The following PRKD3 variants were observed in gnomAD, a reference collection of about 807,000 sequenced individuals.
The protein encoded by PRKD3 is serine/threonine-protein kinase D3.
PRKD3 carries 47 observed loss-of-function variants against 99.2 expected under a neutral mutation model. The ratio of observed to expected loss-of-function variants is 0.47; its 90% confidence interval spans 0.38 to 0.60. The LOEUF is 0.60. Ranked by LOEUF, PRKD3 falls within the 20% of genes least tolerant of loss-of-function variation. PRKD3 has a pLI of 0.00. For missense variants in PRKD3, 1,019 were observed against 1,088.4 expected, an observed-to-expected ratio of 0.94 and a Z score of 0.90; for synonymous variants, 392 against 355.4, an observed-to-expected ratio of 1.10 and a Z score of -1.16.
At position 37,286,192 on chromosome 2, in the gene PRKD3, C is replaced by G. The variant is rs762673246; in HGVS notation, c.895G>C (p.Gly299Arg). The G allele has an allele frequency of 6.2e-7, 1 of 1,612,398 alleles. No individual in the cohort carries two copies. The highest frequency in any genetic ancestry group is 8.5e-7 in the Non-Finnish European group (1 of 1,178,854). Residue 299 changes from glycine to arginine, a missense_variant, in exon 6 of 19, where the codon GGA becomes CGA. By Grantham distance (125) the Gly-to-Arg change is moderately radical. This residue lies in a region of PRKD3 where 710 missense variants were observed against 692.7 expected (regional missense o/e 1.02). Transcript: ENST00000234179. ...KRLLKGLFRQ[G>R]MQCKDCKFNC... Reference sequence around the variant, plus strand: ...CTAATCCTACCTTTACACTGCATTCCTTGGCGAAAGAGGCCTTTCAGTAAC... The same window carrying G: ...CTAATCCTACCTTTACACTGCATTCGTTGGCGAAAGAGGCCTTTCAGTAAC...
At chr2:37,256,159 A>G (rs1446014544) in intron 17 of PRKD3, among the ~76,000 whole-genome samples, 4 of 152,246 alleles carry the variant, frequency 2.6e-5, no homozygotes, top group Non-Finnish European at 5.9e-5. Context: ...AGACAAGGGA[A>G]AAACAGTCCC....
chr2:37,254,172 G>T (rs1270936859), intron 18 of PRKD3, 32 bp downstream of exon 18: 2 of 1,498,680 alleles, frequency 1.3e-6, no homozygotes, highest in Non-Finnish European at 9.3e-7. Flanking sequence ...CTCAAATGAG[G>T]ATTGCCAAAG....
chr2:37,310,816 G>C (rs1671391732), intron 2 of PRKD3, among the ~76,000 whole-genome samples: 2 of 152,210 alleles, frequency 1.3e-5, no homozygotes, highest in Admixed American at 1.3e-4. Flanking sequence ...CTGGACCAGA[G>C]ATCAGAGATT....
intron 2 of PRKD3, among the ~76,000 whole-genome samples, chr2:37,311,937 C>T (rs1284888692): frequency 6.6e-6 from 1 of 152,210 alleles, no homozygotes; most frequent in Non-Finnish European, 1.5e-5. Flanking sequence ...TTGAAAACCA[C>T]TGTTACAAAT....
At chr2:37,267,932 C>A in intron 13 of PRKD3, 1 of 189,534 alleles carries the variant, frequency 5.3e-6, no homozygotes, top group Non-Finnish European at 1.1e-5. Context: ...AACCATGTAC[C>A]CACAAACTCT....
intron 14 of PRKD3, among the ~76,000 whole-genome samples, chr2:37,263,874 T>C (rs1343488324): frequency 6.6e-6 from 1 of 152,202 alleles, no homozygotes; most frequent in Non-Finnish European, 1.5e-5. Context: ...GTTAATCATT[T>C]TTCTTATAGC....
rs56389006 is a variant in PRKD3 at position 37,256,628 on chromosome 2, A to ATTTTTTTT, written c.2413+26_2413+33dup. ...TTTAGGCTTAAAACACATAGCCAAA[A>ATTTTTTTT]TTTTTTTTTTTTTTTTTTTTTTTTT... On this transcript the variant is annotated intron_variant, in intron 17 of 18. Transcript: ENST00000234179. The ATTTTTTTT allele has an allele frequency of 1.1e-5, 13 of 1,202,296 alleles. No individual in the cohort carries two copies. The South Asian group carries it at 1.6e-4, about 15-fold the overall frequency. 74.5% of individuals were successfully genotyped at this position (1,202,296 alleles called of 1,614,324 possible). A position where few individuals can be genotyped will look rare whatever the true frequency, so the allele number is the denominator to read the frequency against.
intron 2 of PRKD3, among the ~76,000 whole-genome samples, chr2:37,303,167 C>T (rs532802600): frequency 2.6e-5 from 4 of 152,132 alleles, no homozygotes; most frequent in South Asian, 2.1e-4. Context: ...CGGGAAGAGC[C>T]GCTGGACCTC....
chr2:37,272,441 T>C lies in PRKD3; in HGVS notation c.1652-9A>G, dbSNP rs1669330339. On this transcript the variant is annotated splice_polypyrimidine_tract_variant and intron_variant, in intron 11 of 18. Coordinates refer to ENST00000234179, the MANE Select transcript of PRKD3 (RefSeq NM_005813.6). Reference sequence around the variant, plus strand: ...ACTTGTAGACAAATCTTCTGTAAAATATAAAAAAGACAAAATTTAGTATAT... The same window carrying C: ...ACTTGTAGACAAATCTTCTGTAAAACATAAAAAAGACAAAATTTAGTATAT... The C allele has an allele frequency of 1.3e-5, 20 of 1,598,568 alleles. No individual in the cohort carries two copies. The highest frequency in any genetic ancestry group is 2.2e-5 in the East Asian group (1 of 44,452).
intron 5 of PRKD3, among the ~76,000 whole-genome samples, chr2:37,287,230 C>CAAAAAAAAAAAAAAAAAAAAAAAAAAA (rs754092348): frequency 1.9e-5 from 1 of 53,650 alleles, no homozygotes; most frequent in African/African-American, 9.5e-5. Flanking sequence ...AACTCCATCT[C>CAAAAAAAAAAAAAAAAAAAAAAAAAAA]AAAAAAAAAA....
intron 2 of PRKD3, among the ~76,000 whole-genome samples, chr2:37,295,043 C>G (rs991778617): frequency 6.6e-6 from 1 of 152,150 alleles, no homozygotes; most frequent in African/African-American, 2.4e-5. Context: ...CAACTGCACT[C>G]CAGTCTGGGT....
Position 37,316,310 on chromosome 2 carries a change from C to G in PRKD3, c.215G>C (p.Ser72Thr). ...CAGTTCCTGGGCTTCAATGGTAACA[C>G]TCTCCCGTGTGAGGCCAATTTGCAG... is the stretch of plus-strand genomic sequence containing the variant. The part of the protein sequence containing the change: ...FLLQIGLTRE[S>T]VTIEAQELSL... Residue 72 changes from serine to threonine, a missense_variant, in exon 2 of 19, where the codon AGT becomes ACT. Physicochemically the swap from Ser to Thr is moderately conservative, Grantham distance 58. This residue lies in a region of PRKD3 where 710 missense variants were observed against 692.7 expected (regional missense o/e 1.02). Transcript: ENST00000234179. 1 of 1,614,118 alleles carries G rather than the reference C, an allele frequency of 6.2e-7. No homozygotes were observed. The highest frequency in any genetic ancestry group is 2.2e-5 in the East Asian group (1 of 44,898).
chr2:37,286,267 A>G lies in PRKD3; in HGVS notation c.820T>C (p.Phe274Leu). ...VMCRVKVPHT[F>L]AVHSYTRPTI... The stretch of plus-strand genomic sequence containing the variant: ...GGACGGGTGTAAGAGTGAACAGCAA[A>G]TGTGTGTGGAACTTTCACTCTGCAC... Residue 274 changes from phenylalanine (F) to leucine (L), a missense_variant, in exon 6 of 19, where the codon TTT (phenylalanine) becomes CTT (leucine). By Grantham distance (22) the Phe-to-Leu change is conservative. This residue lies in a region of PRKD3 where 710 missense variants were observed against 692.7 expected (regional missense o/e 1.02). Transcript: ENST00000234179. 6.2e-7 allele frequency: 1 copy of G among 1,614,086 alleles called. No individual in the cohort carries two copies. Among genetic ancestry groups the G allele is most frequent in the South Asian group, 1.1e-5 (1 of 91,076 alleles).
intron 7 of PRKD3, among the ~76,000 whole-genome samples, chr2:37,280,428 T>A (rs1176570029): frequency 6.6e-6 from 1 of 152,222 alleles, no homozygotes; most frequent in African/African-American, 2.4e-5. Flanking sequence ...ATCAGAATTT[T>A]AAATTTCCAC....
chr2:37,256,665 C>G lies in PRKD3; in HGVS notation c.2410G>C (p.Glu804Gln). 1.2e-6 allele frequency: 1 copy of G among 858,752 alleles called. No homozygotes were observed. Among genetic ancestry groups the G allele is most frequent in the Non-Finnish European group, 1.7e-6 (1 of 603,234 alleles). The allele number at this position is 858,752 out of a possible 1,614,324, so 53.2% of individuals were successfully genotyped here. A position where few individuals can be genotyped will look rare whatever the true frequency, so the allele number is the denominator to read the frequency against. ...TTTTTTTTTTTTTTTTTTTTACCTT[C>G]ACCAGAAATTTCTCTCCATGGATTT... The part of the protein sequence containing the change: ...PPNPWREISG[E>Q]AIDLINNLLQ... Residue 804 changes from glutamate to glutamine, a missense_variant, in exon 17 of 19, where the codon GAA becomes CAA. Around this residue, in one of 3 missense-constraint regions of PRKD3, gnomAD observed 125 missense variants for 120.6 expected, o/e 1.04. Coordinates refer to ENST00000234179, the MANE Select transcript of PRKD3 (RefSeq NM_005813.6).
chr2:37,291,573 T>C (rs11124576), intron 3 of PRKD3, among the ~76,000 whole-genome samples: 22,035 of 152,124 alleles, frequency 0.14, 1,739 homozygotes, highest in South Asian at 0.28. Context: ...GGAAGAGATG[T>C]GAGCAGGACT....
intron 16 of PRKD3, 85 bp downstream of exon 16, chr2:37,259,498 C>T: frequency 1.0e-5 from 10 of 987,502 alleles, no homozygotes; most frequent in Non-Finnish European, 1.5e-5. Flanking sequence ...TTTTAACCAA[C>T]AGTACTTAGT....
chr2:37,254,423 TTAGCTAACATG>T, intron 17 of PRKD3, 134 bp from the exon 18 acceptor site: 1 of 646,584 alleles, frequency 1.5e-6, no homozygotes, highest in Non-Finnish European at 2.8e-6. Flanking sequence ...ACGTGGACTT[TTAGCTAACATG>T]TAAAATGAAT....
rs746941902 is a variant in PRKD3, at chr2:37,267,486, T to A, written c.1828A>T (p.Met610Leu). Residue 610 changes from methionine (M) to leucine (L), a missense_variant, in exon 14 of 19, where the codon ATG (methionine) becomes TTG (leucine). This residue lies in a region of PRKD3 where 184 missense variants were observed against 275.1 expected (regional missense o/e 0.67). Transcript: ENST00000234179. ...RDVAIKVIDK[M>L]RFPTKQESQL... ...CTTTCTTGTTTTGTGGGGAATCTCATCTTATCAATTACTTTAATAGCCACA... is the reference window on the plus strand; with the variant it reads ...CTTTCTTGTTTTGTGGGGAATCTCAACTTATCAATTACTTTAATAGCCACA... 6.2e-7 allele frequency: 1 copy of A among 1,611,668 alleles called. No individual in the cohort carries two copies. The highest frequency in any genetic ancestry group is 8.5e-7 in the Non-Finnish European group (1 of 1,178,564).
Sources: allele counts gnomAD v4.1 joint callset (sites outside exome capture counted in the v4.1 genomes callset), GRCh38; gene constraint gnomAD v4.1.1; regional missense constraint gnomAD v4.1.1; transcripts MANE v1.5; gene names NCBI Gene and HGNC (gene_info 2026-07-23, HGNC 2026-07-21).